Variants in ANO10 observed in about 807,000 individuals in gnomAD.
ANO10 encodes anoctamin 10, also known as anoctamin-10.
In ANO10, 77 loss-of-function variants were observed where a neutral mutation model predicts 74.7. The observed-to-expected ratio is 1.03, with a 90% confidence interval of 0.86 to 1.25. The LOEUF (loss-of-function observed/expected upper bound fraction) is 1.25. Ranked by LOEUF, ANO10 falls within the 50% of genes most tolerant of loss-of-function variation. ANO10 has a pLI of 0.00. For synonymous variants in ANO10, 279 were observed against 284.9 expected (o/e 0.98, Z 0.21); for missense variants, 721 against 778.1 (o/e 0.93, Z 0.87).
chr3:43,492,105 G>GA (rs533149427), intron 11 of ANO10, among the ~76,000 whole-genome samples: 4 of 152,014 alleles, frequency 2.6e-5, no homozygotes, highest in Non-Finnish European at 2.9e-5. Context: ...GAACACCTCA[G>GA]AAAAAACCAG....
At position 43,401,098 on chromosome 3, in the gene ANO10, G is replaced by C. The variant is rs1178941318; in HGVS notation, c.1914+31513C>G. On this transcript the variant is annotated intron_variant, in intron 12 of 12. Coordinates refer to ENST00000292246, the MANE Select transcript of ANO10 (RefSeq NM_018075.5). ...AGTACATTTTTAAAAGCTATATTGA[G>C]AGACTTCGCTTTTTCCTTTAAAGCA... Among the ~76,000 whole-genome samples the C allele has an allele frequency of 4.6e-5, 7 of 152,152 alleles. No homozygotes were observed. The South Asian group carries it at 1.0e-3, about 22-fold the overall frequency.
intron 11 of ANO10, among the ~76,000 whole-genome samples, chr3:43,529,713 CATAATAAAGG>C (rs2078372221): frequency 6.6e-6 from 1 of 151,886 alleles, no homozygotes; most frequent in African/African-American, 2.4e-5. Context: ...GTAGATAATA[CATAATAAAGG>C]ATATTATTTT....
chr3:43,543,130 T>C (rs1223209831), intron 11 of ANO10, among the ~76,000 whole-genome samples: 1 of 152,114 alleles, frequency 6.6e-6, no homozygotes, highest in Admixed American at 6.5e-5. Context: ...CTCTCTTCTC[T>C]CCCTCTGTTT....
intron 11 of ANO10, among the ~76,000 whole-genome samples, chr3:43,513,799 C>T (rs1043233262): frequency 2.6e-5 from 4 of 152,002 alleles, no homozygotes; most frequent in Non-Finnish European, 4.4e-5. Flanking sequence ...CATTGAGCCA[C>T]CGTGCCCAGC....
intron 11 of ANO10, among the ~76,000 whole-genome samples, chr3:43,543,538 G>A (rs1213186819): frequency 2.6e-5 from 4 of 152,110 alleles, no homozygotes; most frequent in Admixed American, 2.0e-4. Flanking sequence ...ACAGGCGCCC[G>A]CCACAGCGCC....
intron 11 of ANO10, among the ~76,000 whole-genome samples, chr3:43,456,063 G>GACATGCT (rs2075110501): frequency 6.6e-6 from 1 of 152,144 alleles, no homozygotes; most frequent in Non-Finnish European, 1.5e-5. Context: ...AATAGAAATT[G>GACATGCT]ACATGCTACA....
intron 1 of ANO10, among the ~76,000 whole-genome samples, chr3:43,634,907 C>T (rs1443793564): frequency 6.6e-6 from 1 of 152,040 alleles, no homozygotes; most frequent in Non-Finnish European, 1.5e-5. Flanking sequence ...AGATGTGGTC[C>T]TGTGGCATGT....
At chr3:43,447,884 G>T (rs926951566) in intron 11 of ANO10, among the ~76,000 whole-genome samples, 1 of 152,056 alleles carries the variant, frequency 6.6e-6, no homozygotes, top group Admixed American at 6.6e-5. Context: ...TTTACATTAG[G>T]GTTCACTATA....
At position 43,592,870 on chromosome 3, in the gene ANO10, G is replaced by A. The variant is rs150822386; in HGVS notation, c.472+5662C>T. On this transcript the variant is annotated intron_variant, in intron 4 of 12. Transcript: ENST00000292246. Reference sequence around the variant, plus strand: ...TAAAAACTTTCAAAAAAGATAGGACGAATGTCTAACTAGAATAAATAGCAT... The same window carrying A: ...TAAAAACTTTCAAAAAAGATAGGACAAATGTCTAACTAGAATAAATAGCAT... 8.9e-4 allele frequency among the ~76,000 whole-genome samples: 136 copies of A among 152,246 alleles called. No homozygotes were observed. The Middle Eastern group carries it at 0.01, about 11-fold the overall frequency.
At chr3:43,395,680 T>G (rs1261327096) in intron 12 of ANO10, among the ~76,000 whole-genome samples, 1 of 152,300 alleles carries the variant, frequency 6.6e-6, no homozygotes, top group South Asian at 2.1e-4. Context: ...TCAAGTAGTC[T>G]TCCAATTGTG....
intron 12 of ANO10, among the ~76,000 whole-genome samples, chr3:43,371,959 G>T (rs1193233196): frequency 6.6e-6 from 1 of 152,186 alleles, no homozygotes; most frequent in African/African-American, 2.4e-5. Context: ...GTGCCATAAG[G>T]CTCTAAACAG....
At chr3:43,619,851 CAG>C (rs1313774231) in intron 1 of ANO10, among the ~76,000 whole-genome samples, 1 of 138,300 alleles carries the variant, frequency 7.2e-6, no homozygotes, top group African/African-American at 2.7e-5. Flanking sequence ...GTTTGGGCAA[CAG>C]AGTGAGACCT....
chr3:43,574,197 C>T (rs2080885133), intron 7 of ANO10, among the ~76,000 whole-genome samples: 1 of 151,160 alleles, frequency 6.6e-6, no homozygotes, highest in Non-Finnish European at 1.5e-5. Flanking sequence ...TCAAGTGATC[C>T]ACCTGCCTCA....
In ANO10 at chr3:43,565,744, A is replaced by T; in HGVS notation, c.1219-17T>A. ...GAAGTTGAACTGCCAAAAAAAAAAA[A>T]AAAAAAGATAAGTGTTAAGCACTGC... is the stretch of plus-strand genomic sequence containing the variant. On this transcript the variant is annotated splice_polypyrimidine_tract_variant and intron_variant, in intron 7 of 12. Transcript: ENST00000292246. The T allele has an allele frequency of 6.4e-7, 1 of 1,553,136 alleles. No individual in the cohort carries two copies. Among genetic ancestry groups the T allele is most frequent in the Admixed American group, 1.9e-5 (1 of 51,432 alleles).
intron 11 of ANO10, among the ~76,000 whole-genome samples, chr3:43,486,222 A>G (rs1482263304): frequency 2.6e-5 from 4 of 152,230 alleles, no homozygotes; most frequent in African/African-American, 2.4e-5. Context: ...CTTCATGTAC[A>G]TAACAAGGCC....
At position 43,652,143 on chromosome 3, in the gene ANO10, C is replaced by A. The variant is rs62253031; in HGVS notation, c.-12+39374G>T. On this transcript the variant is annotated intron_variant, in intron 1 of 3. Coordinates refer to the ANO10 transcript ENST00000413397. The stretch of plus-strand genomic sequence containing the variant: ...TTTTTTTTTTTCAGAAATTGATAAG[C>A]TGATCCTAACATTCATATGGAAATG... Among the ~76,000 whole-genome samples, 1,397 of 151,014 alleles carry A rather than the reference C, an allele frequency of 9.3e-3. 12 individuals carry two copies. Among genetic ancestry groups the A allele is most frequent in the Non-Finnish European group, 0.016 (1,068 of 67,846 alleles).
chr3:43,529,605 T>A (rs534701932), intron 11 of ANO10, among the ~76,000 whole-genome samples: 1 of 152,278 alleles, frequency 6.6e-6, no homozygotes, highest in Non-Finnish European at 1.5e-5. Context: ...AAAAAACATA[T>A]ATGTAAATGG....
chr3:43,491,024 C>T (rs905976552), intron 11 of ANO10, among the ~76,000 whole-genome samples: 3 of 151,936 alleles, frequency 2.0e-5, no homozygotes, highest in African/African-American at 4.8e-5. Context: ...GGCAGGGGGG[C>T]GGGGTTTAAA....
intron 12 of ANO10, among the ~76,000 whole-genome samples, chr3:43,368,333 G>A (rs766954186): frequency 1.3e-5 from 2 of 152,164 alleles, no homozygotes; most frequent in African/African-American, 4.8e-5. Context: ...CATTTCAGTA[G>A]GCCTGGAGTA....
Sources: gnomAD v4.1 joint callset for allele counts (sites outside exome capture counted in the v4.1 genomes callset) on GRCh38, gnomAD v4.1.1 for gene constraint, MANE v1.5 for transcripts, NCBI Gene and HGNC (gene_info 2026-07-23, HGNC 2026-07-21) for gene names.